NDST3: variants seen among roughly 807,000 people sequenced by gnomAD.
NDST3 encodes the protein bifunctional heparan sulfate N-deacetylase/N-sulfotransferase 3.
In NDST3, 58 loss-of-function variants were observed where a neutral mutation model predicts 96.1. The observed-to-expected ratio is 0.60, with a 90% confidence interval of 0.49 to 0.75. The LOEUF (loss-of-function observed/expected upper bound fraction) is 0.75. Among genes scored for constraint, NDST3 ranks in the 30% least tolerant of loss-of-function variants. The probability of loss-of-function intolerance (pLI) is 0.00; values close to 1 mark genes in which losing one functional copy is unlikely to be tolerated. For synonymous variants in NDST3, 333 were observed against 359.7 expected (o/e 0.93, Z 0.84); for missense variants, 788 against 1,034.2 (o/e 0.76, Z 3.27).
chr4:118,081,569 T>G (rs945757833), intron 2 of NDST3, among the ~76,000 whole-genome samples: 1 of 152,186 alleles, frequency 6.6e-6, no homozygotes, highest in Non-Finnish European at 1.5e-5. Context: ...TACACTGTAG[T>G]AATTTGCTGC....
Position 118,054,605 on chromosome 4 carries a change from C to A in NDST3, c.695C>A (p.Pro232Gln). The change falls in exon 2 of 14, where the codon CCA becomes CAA. Residue 232 changes from proline (P) to glutamine (Q), a missense_variant. Pro to Gln is a moderately conservative substitution (Grantham distance 76). This residue lies in a region of NDST3 where 490 missense variants were observed against 708.8 expected (regional missense o/e 0.69). Coordinates refer to ENST00000296499, the MANE Select transcript of NDST3 (RefSeq NM_004784.3). Reference sequence around the variant, plus strand: ...CAGATTAATCATTCAGCCTATCAACCAGTAATATTTGCCAAAGTAAAGACC... The same window carrying A: ...CAGATTAATCATTCAGCCTATCAACAAGTAATATTTGCCAAAGTAAAGACC... ...VFQINHSAYQ[P>Q]VIFAKVKTPE... is the part of the protein sequence containing the mutation. 1 of 1,613,280 alleles carries A rather than the reference C, an allele frequency of 6.2e-7. No homozygotes were observed. Among genetic ancestry groups the A allele is most frequent in the South Asian group, 1.1e-5 (1 of 91,046 alleles).
intron 7 of NDST3, among the ~76,000 whole-genome samples, chr4:118,225,598 T>A (rs1739821941): frequency 6.6e-6 from 1 of 152,182 alleles, no homozygotes; most frequent in South Asian, 2.1e-4. Flanking sequence ...TTAATCACTG[T>A]TCTAAACGCT....
chr4:118,133,926 T>C (rs10016285), intron 4 of NDST3, among the ~76,000 whole-genome samples: 119,575 of 151,868 alleles, frequency 0.79, 49,742 homozygotes, highest in South Asian at 0.92. Flanking sequence ...ATGAACCTTA[T>C]TGTTTAATGA....
At chr4:118,178,157 G>A (rs1021904856) in intron 6 of NDST3, among the ~76,000 whole-genome samples, 2 of 151,742 alleles carry the variant, frequency 1.3e-5, no homozygotes, top group African/African-American at 4.8e-5. Context: ...ATCTGGATGT[G>A]TTATTTTAAT....
At chr4:118,197,002 T>C (rs1448807323) in intron 6 of NDST3, among the ~76,000 whole-genome samples, 1 of 151,978 alleles carries the variant, frequency 6.6e-6, no homozygotes, top group African/African-American at 2.4e-5. Context: ...TAGTACTGCT[T>C]TTGCTGTATT....
chr4:118,140,332 C>T (rs1733469929), intron 5 of NDST3, among the ~76,000 whole-genome samples: 1 of 152,180 alleles, frequency 6.6e-6, no homozygotes, highest in Non-Finnish European at 1.5e-5. Context: ...ATCTTATTCT[C>T]CTCTGAATTC....
chr4:118,153,053 G>T (rs1444761447), intron 6 of NDST3, among the ~76,000 whole-genome samples: 1 of 152,218 alleles, frequency 6.6e-6, no homozygotes, highest in Admixed American at 6.5e-5. Context: ...GCAAAGGCTT[G>T]CAAAGGCAGG....
At chr4:118,253,222 T>C (rs1398775105) in intron 12 of NDST3, among the ~76,000 whole-genome samples, 1 of 152,238 alleles carries the variant, frequency 6.6e-6, no homozygotes, top group Non-Finnish European at 1.5e-5. Context: ...AGTAGCCTTA[T>C]TAATTTCTAT....
Position 118,181,159 on chromosome 4 carries a change from T to C in NDST3, c.1539+37475T>C, listed in dbSNP as rs142881688. ...AGAAATCAGTGGCACCTTCCCTGTG[T>C]TGTTCCTCAAAGGGTATCAGAGTCA... On this transcript the variant is annotated intron_variant, in intron 6 of 13. Transcript: ENST00000296499. Among the ~76,000 whole-genome samples the C allele has an allele frequency of 3.9e-5, 6 of 152,234 alleles. No individual in the cohort carries two copies. The East Asian group carries it at 9.7e-4, about 25-fold the overall frequency.
chr4:118,143,062 T>C (rs1168687497), intron 5 of NDST3, among the ~76,000 whole-genome samples: 1 of 152,186 alleles, frequency 6.6e-6, no homozygotes, highest in Non-Finnish European at 1.5e-5. Flanking sequence ...GTGTCTCAAA[T>C]ATTCATTCTA....
intron 4 of NDST3, among the ~76,000 whole-genome samples, chr4:118,135,798 A>G (rs1733033294): frequency 6.6e-6 from 1 of 152,176 alleles, no homozygotes; most frequent in South Asian, 2.1e-4. Flanking sequence ...GGATTGCTTG[A>G]GCCCAGGAGG....
intron 4 of NDST3, among the ~76,000 whole-genome samples, chr4:118,118,354 T>C (rs932777086): frequency 2.6e-5 from 4 of 152,162 alleles, no homozygotes; most frequent in African/African-American, 4.8e-5. Context: ...AATATTCAAA[T>C]GGGTAATTGT....
In NDST3 at chr4:118,221,972, AT is replaced by A. The variant is rs371751799; in HGVS notation, c.1540-2515del. Among the ~76,000 whole-genome samples the A allele has an allele frequency of 6.9e-3, 1,016 of 148,142 alleles. 12 individuals carry two copies. The highest frequency in any genetic ancestry group is 0.023 in the African/African-American group (954 of 41,096). The stretch of plus-strand genomic sequence containing the variant: ...TCTACAAGTATAATAAAAATAATTT[AT>A]TTTGATCAATTTTCCATCTAAAAAA... On this transcript the variant is annotated intron_variant, in intron 6 of 13. Coordinates refer to ENST00000296499, the MANE Select transcript of NDST3 (RefSeq NM_004784.3).
rs531310654 is a variant in NDST3 at position 118,158,429 on chromosome 4, T to C, written c.1539+14745T>C. Among the ~76,000 whole-genome samples the C allele has an allele frequency of 9.9e-5, 15 of 152,058 alleles. No homozygotes were observed. In the South Asian group the frequency reaches 2.9e-3, roughly 29 times the overall value. Reference sequence around the variant, plus strand: ...TGAGATAATTTTAGCATGAAAAAAATGGAGGTTATAGACATACTCAAAGTA... The same window carrying C: ...TGAGATAATTTTAGCATGAAAAAAACGGAGGTTATAGACATACTCAAAGTA... On this transcript the variant is annotated intron_variant, in intron 6 of 13. Transcript: ENST00000296499.
chr4:118,086,052 G>A (rs1248284098), intron 2 of NDST3, among the ~76,000 whole-genome samples: 3 of 152,152 alleles, frequency 2.0e-5, no homozygotes, highest in Non-Finnish European at 1.5e-5. Context: ...TTACTTGAAT[G>A]AGGCAGTGAG....
At chr4:118,106,396 A>T (rs1296693035) in intron 3 of NDST3, among the ~76,000 whole-genome samples, 1 of 152,028 alleles carries the variant, frequency 6.6e-6, no homozygotes, top group African/African-American at 2.4e-5. Flanking sequence ...CCCAGGATAG[A>T]GTGCAGTGGT....
chr4:118,090,689 G>A (rs1412358598), intron 2 of NDST3, among the ~76,000 whole-genome samples: 1 of 151,680 alleles, frequency 6.6e-6, no homozygotes, highest in Non-Finnish European at 1.5e-5. Flanking sequence ...TTCACTCGAA[G>A]GAAGAAAAAA....
At chr4:118,240,831 A>T in intron 11 of NDST3, 137 bp downstream of exon 11, 1 of 736,772 alleles carries the variant, frequency 1.4e-6, no homozygotes, top group East Asian at 2.8e-5. Context: ...GCTATGGCAA[A>T]GAGAAATAGG....
rs1726457365 is a variant in NDST3, at chr4:118,066,357, TATGTTATATATTATATATC to T, written c.981+11469_981+11487del. ...TATATATATTATATATCATATATCA[TATGTTATATATTATATATC>T]ATATATCATATGTTATATATTATAT... On this transcript the variant is annotated intron_variant, in intron 2 of 13. Coordinates refer to ENST00000296499, the MANE Select transcript of NDST3 (RefSeq NM_004784.3). Among the ~76,000 whole-genome samples the T allele has an allele frequency of 3.7e-5, 3 of 80,522 alleles. 1 individual carries two copies. Among genetic ancestry groups the T allele is most frequent in the African/African-American group, 1.7e-4 (3 of 17,520 alleles). 52.8% of individuals were successfully genotyped at this position (80,522 alleles called of 152,430 possible). A position where few individuals can be genotyped will look rare whatever the true frequency, so the allele number is the denominator to read the frequency against.
Sources: gnomAD v4.1 joint callset for allele counts (sites outside exome capture counted in the v4.1 genomes callset) on GRCh38, gnomAD v4.1.1 for gene constraint, gnomAD v4.1.1 regional missense constraint, MANE v1.5 for transcripts, NCBI Gene and HGNC (gene_info 2026-07-23, HGNC 2026-07-21) for gene names.